The following MAGI1 variants were observed in gnomAD, a reference collection of about 807,000 sequenced individuals.
MAGI1 encodes membrane-associated guanylate kinase, WW and PDZ domain-containing protein 1.
In MAGI1, 58 loss-of-function variants were observed where a neutral mutation model predicts 139.9. That is an observed-to-expected ratio of 0.41 (90% CI 0.34 to 0.52). The LOEUF is 0.52. Among genes scored for constraint, MAGI1 ranks in the 20% least tolerant of loss-of-function variants. MAGI1 has a pLI of 0.12. For synonymous variants in MAGI1, 812 were observed against 737.9 expected (o/e 1.10, Z -1.63); for missense variants, 1,874 against 1,901.6 (o/e 0.99, Z 0.27).
intron 1 of MAGI1, among the ~76,000 whole-genome samples, chr3:65,869,905 G>T (rs1047107025): frequency 6.6e-6 from 1 of 152,108 alleles, no homozygotes; most frequent in Non-Finnish European, 1.5e-5. Context: ...GCAGCACGTG[G>T]CCCAGTGCTG....
chr3:65,983,928 C>A (rs1002860399), intron 1 of MAGI1, among the ~76,000 whole-genome samples: 1 of 152,160 alleles, frequency 6.6e-6, no homozygotes, highest in Non-Finnish European at 1.5e-5. Flanking sequence ...TACTTGAAGT[C>A]GTACCTAGCA....
At chr3:65,524,331 C>T (rs1250156601) in intron 2 of MAGI1, among the ~76,000 whole-genome samples, 5 of 152,180 alleles carry the variant, frequency 3.3e-5, no homozygotes, top group African/African-American at 1.2e-4. Flanking sequence ...AACAGAAGTA[C>T]TCTTTTCTAA....
At chr3:65,893,441 G>A (rs1220971976) in intron 1 of MAGI1, among the ~76,000 whole-genome samples, 1 of 151,396 alleles carries the variant, frequency 6.6e-6, no homozygotes, top group Non-Finnish European at 1.5e-5. Flanking sequence ...CACAATTAAC[G>A]TTAAGTTTCT....
chr3:65,726,011 C>A (rs555060271), intron 1 of MAGI1, among the ~76,000 whole-genome samples: 103 of 152,166 alleles, frequency 6.8e-4, no homozygotes, highest in African/African-American at 2.3e-3. Context: ...TTTTCTGAAG[C>A]CAGTTTAGCA....
At chr3:66,018,113 T>TG (rs200952234) in intron 1 of MAGI1, among the ~76,000 whole-genome samples, 12,873 of 56,964 alleles carry the variant, frequency 0.23, 1,491 homozygotes, top group East Asian at 0.53. Flanking sequence ...GACACTTTGG[T>TG]GGGGGGGGGG....
rs115026441 is a variant in MAGI1 at position 65,633,239 on chromosome 3, C to G, written c.314-11151G>C. On this transcript the variant is annotated intron_variant, in intron 1 of 22. Transcript: ENST00000402939. ...CACCCCACTGTGCGGCTGACAATAA[C>G]AGGCACACACCACACATGACTCCAG... is the stretch of plus-strand genomic sequence containing the variant. 9.9e-3 allele frequency among the ~76,000 whole-genome samples: 1,507 copies of G among 152,270 alleles called. 27 individuals carry two copies. The highest frequency in any genetic ancestry group is 0.034 in the African/African-American group (1,397 of 41,540).
intron 1 of MAGI1, among the ~76,000 whole-genome samples, chr3:65,660,809 G>A (rs550854576): frequency 3.9e-5 from 6 of 152,222 alleles, no homozygotes; most frequent in Admixed American, 6.5e-5. Context: ...ACCATGTCTC[G>A]CCTTCCATAA....
chr3:65,763,180 C>G (rs758627639), intron 1 of MAGI1, among the ~76,000 whole-genome samples: 1 of 152,182 alleles, frequency 6.6e-6, no homozygotes, highest in East Asian at 1.9e-4. Context: ...GGATGGGAAG[C>G]TGAGACCAAG....
Position 65,468,666 on chromosome 3 carries a change from T to A in MAGI1, c.959+1617A>T, listed in dbSNP as rs371788857. On this transcript the variant is annotated intron_variant, in intron 5 of 22. Coordinates refer to ENST00000402939, the MANE Select transcript of MAGI1 (RefSeq NM_001033057.2). ...TGCTGAGATTACAGGCGTGAGCCAC[T>A]GCACCCGGCTGTCAAAGAGGGTGTT... Among the ~76,000 whole-genome samples, 13 of 152,190 alleles carry A rather than the reference T, an allele frequency of 8.5e-5. No individual in the cohort carries two copies. The East Asian group carries it at 1.9e-3, about 23-fold the overall frequency.
At chr3:65,370,263 G>T (rs530345877) in intron 18 of MAGI1, among the ~76,000 whole-genome samples, 162 of 151,718 alleles carry the variant, frequency 1.1e-3, no homozygotes, top group African/African-American at 3.4e-3. Context: ...GCGAGACTCC[G>T]TCTCAAAAAA....
chr3:65,768,869 G>T (rs1012495758), intron 1 of MAGI1, among the ~76,000 whole-genome samples: 1 of 152,024 alleles, frequency 6.6e-6, no homozygotes, highest in East Asian at 1.9e-4. Flanking sequence ...AAACTGCTCC[G>T]TACAGAGAAT....
intron 1 of MAGI1, among the ~76,000 whole-genome samples, chr3:65,626,200 T>C (rs983293982): frequency 6.6e-6 from 1 of 152,228 alleles, no homozygotes; most frequent in Non-Finnish European, 1.5e-5. Flanking sequence ...AAAAGCAACA[T>C]TCCAAAGGAG....
In MAGI1 at chr3:65,655,269, T is replaced by C. The variant is rs369478035; in HGVS notation, c.314-33181A>G. Among the ~76,000 whole-genome samples, 23 of 152,166 alleles carry C rather than the reference T, an allele frequency of 1.5e-4. No homozygotes were observed. The East Asian group carries it at 1.7e-3, about 12-fold the overall frequency. On this transcript the variant is annotated intron_variant, in intron 1 of 22. Transcript: ENST00000402939. The stretch of plus-strand genomic sequence containing the variant: ...TCACCACCTGTAGTCCCAGATGGCA[T>C]TGGAAGATACTTTACTGTAAACCCA...
Position 65,490,471 on chromosome 3 carries a change from A to G in MAGI1, c.550+3041T>C, listed in dbSNP as rs138800802. Among the ~76,000 whole-genome samples, 721 of 152,310 alleles carry G rather than the reference A, an allele frequency of 4.7e-3. 4 individuals carry two copies. Among genetic ancestry groups the G allele is most frequent in the African/African-American group, 0.017 (691 of 41,574 alleles). ...TTTCCAGCCCTACTCCGATGAGGGT[A>G]TATGGCATTTAATAAACATTCCATT... On this transcript the variant is annotated intron_variant, in intron 3 of 22. Coordinates refer to ENST00000402939, the MANE Select transcript of MAGI1 (RefSeq NM_001033057.2).
At chr3:65,866,042 T>C (rs1408828839) in intron 1 of MAGI1, among the ~76,000 whole-genome samples, 1 of 152,184 alleles carries the variant, frequency 6.6e-6, no homozygotes, top group African/African-American at 2.4e-5. Flanking sequence ...TTATGCACTG[T>C]TTTGATTCAA....
intron 1 of MAGI1, among the ~76,000 whole-genome samples, chr3:65,671,725 G>C (rs955818234): frequency 6.6e-6 from 1 of 152,064 alleles, no homozygotes; most frequent in Non-Finnish European, 1.5e-5. Flanking sequence ...TAGCTACTGA[G>C]TGGGCAAAGC....
chr3:65,479,777 T>C (rs562420140), intron 3 of MAGI1, among the ~76,000 whole-genome samples: 2 of 152,282 alleles, frequency 1.3e-5, no homozygotes, highest in African/African-American at 2.4e-5. Context: ...GCTATTTTTT[T>C]AAAGTTATTT....
chr3:65,449,832 C>A (rs1333444147), intron 6 of MAGI1, among the ~76,000 whole-genome samples: 1 of 152,032 alleles, frequency 6.6e-6, no homozygotes, highest in Non-Finnish European at 1.5e-5. Flanking sequence ...CCAAGGCTCA[C>A]ACAAATAAAA....
At chr3:65,527,921 A>G (rs2078465178) in intron 2 of MAGI1, among the ~76,000 whole-genome samples, 1 of 151,940 alleles carries the variant, frequency 6.6e-6, no homozygotes, top group Admixed American at 6.6e-5. Context: ...AAAAAAAAAA[A>G]AAGTTAATTA....
Sources: gnomAD v4.1 joint callset for allele counts (sites outside exome capture counted in the v4.1 genomes callset) on GRCh38, gnomAD v4.1.1 for gene constraint, MANE v1.5 for transcripts, NCBI Gene and HGNC (gene_info 2026-07-23, HGNC 2026-07-21) for gene names.